ERBIN: variants seen among roughly 807,000 people sequenced by gnomAD.
ERBIN encodes erbb2 interacting protein.
A neutral mutation model predicts 158.4 loss-of-function variants in ERBIN; 60 were observed. The ratio of observed to expected loss-of-function variants is 0.38; its 90% CI spans 0.31 to 0.47. The LOEUF is 0.47. Among genes scored for constraint, ERBIN ranks in the 20% least tolerant of loss-of-function variants. The probability of loss-of-function intolerance (pLI) is 0.99; values close to 1 mark genes in which losing one functional copy is unlikely to be tolerated. For synonymous variants in ERBIN, 594 were observed against 557.2 expected, an observed-to-expected ratio of 1.07 and a Z score of -0.93; for missense variants, 1,610 against 1,648.0, an observed-to-expected ratio of 0.98 and a Z score of 0.40.
At chr5:66,026,476 G>A (rs1756266601) in intron 13 of ERBIN, 59 bp downstream of exon 13, 4 of 899,896 alleles carry the variant, frequency 4.4e-6, no homozygotes, top group Non-Finnish European at 6.8e-6. Flanking sequence ...ATGAAATTAA[G>A]TTTCATATGA....
chr5:66,072,988 T>C (rs964294780), intron 22 of ERBIN, among the ~76,000 whole-genome samples: 1 of 152,256 alleles, frequency 6.6e-6, no homozygotes. Flanking sequence ...GTTCATCTAA[T>C]ATATAAGTTC....
chr5:66,038,555 C>A, intron 15 of ERBIN, 73 bp downstream of exon 15: 2 of 1,138,676 alleles, frequency 1.8e-6, no homozygotes, highest in Non-Finnish European at 1.3e-6. Flanking sequence ...AACTTTAAGT[C>A]TCAGAGACTT....
intron 1 of ERBIN, among the ~76,000 whole-genome samples, chr5:65,942,303 CTTA>C (rs1352116045): frequency 6.6e-6 from 1 of 151,760 alleles, no homozygotes; most frequent in South Asian, 2.1e-4. Flanking sequence ...GTTTTTTTTG[CTTA>C]TTATACCAGC....
chr5:65,998,231 A>AAT (rs528994211), intron 4 of ERBIN, among the ~76,000 whole-genome samples: 75 of 149,188 alleles, frequency 5.0e-4, no homozygotes, highest in African/African-American at 1.5e-3. Context: ...CTCAAAAAAA[A>AAT]ATATATATAT....
chr5:65,992,279 A>G (rs920461250), intron 2 of ERBIN, among the ~76,000 whole-genome samples: 2 of 152,014 alleles, frequency 1.3e-5, no homozygotes, highest in African/African-American at 2.4e-5. Flanking sequence ...CCTCCCGAGT[A>G]GCTGGGACTA....
chr5:66,041,044 T>G (rs535025775), intron 15 of ERBIN, among the ~76,000 whole-genome samples: 1 of 152,066 alleles, frequency 6.6e-6, no homozygotes, highest in Admixed American at 6.5e-5. Flanking sequence ...AGGGTTTTTA[T>G]TGCATTTCTT....
chr5:66,061,212 T>C (rs1220124847), intron 21 of ERBIN, among the ~76,000 whole-genome samples: 1 of 152,246 alleles, frequency 6.6e-6, no homozygotes, highest in Non-Finnish European at 1.5e-5. Flanking sequence ...GGACTTGCTT[T>C]ATGAATCTGG....
intron 1 of ERBIN, among the ~76,000 whole-genome samples, chr5:65,939,621 C>T (rs1310031768): frequency 1.3e-5 from 2 of 152,174 alleles, no homozygotes; most frequent in African/African-American, 2.4e-5. Context: ...GTACTGCTGC[C>T]ATCTCGGCTC....
intron 2 of ERBIN, among the ~76,000 whole-genome samples, chr5:65,991,351 C>T (rs1751847971): frequency 6.6e-6 from 1 of 152,022 alleles, no homozygotes; most frequent in Non-Finnish European, 1.5e-5. Flanking sequence ...ATATTTTGTG[C>T]CTGAGTCCTT....
chr5:66,048,847 A>G (rs957150268), intron 19 of ERBIN, 66 bp downstream of exon 19: 82 of 928,062 alleles, frequency 8.8e-5, no homozygotes, highest in Non-Finnish European at 9.1e-5. Flanking sequence ...TTTTTTTGAA[A>G]TAAATTTCAT....
intron 14 of ERBIN, among the ~76,000 whole-genome samples, chr5:66,036,021 C>G (rs148128028): frequency 6.6e-6 from 1 of 152,158 alleles, no homozygotes; most frequent in East Asian, 1.9e-4. Context: ...CCCAGAAGTT[C>G]TAGGTTACAA....
Position 65,992,871 on chromosome 5 carries a change from C to CT in ERBIN, c.154dup (p.Tyr52LeufsTer5). Reference sequence around the variant, plus strand: ...CTTTTGAAAAAACCTTGGAGGAACTCTATTTAGATGCTAATCAGATTGAAG... The same window carrying CT: ...CTTTTGAAAAAACCTTGGAGGAACTCTTATTTAGATGCTAATCAGATTGAAG... On this transcript the variant is annotated frameshift_variant, in exon 3 of 26. Transcript: ENST00000284037. LOFTEE classifies it high-confidence loss of function. 1 of 1,611,872 alleles carries CT rather than the reference C, an allele frequency of 6.2e-7. No homozygotes were observed. Among genetic ancestry groups the CT allele is most frequent in the Non-Finnish European group, 8.5e-7 (1 of 1,179,216 alleles).
rs374033123 is a variant in ERBIN, at chr5:66,015,205, G to C, written c.533+480G>C. On this transcript the variant is annotated intron_variant, in intron 7 of 25. Coordinates refer to ENST00000284037, the MANE Select transcript of ERBIN (RefSeq NM_001253697.2). The stretch of plus-strand genomic sequence containing the variant: ...CTAACAACAAGAGATGGCAATCCAG[G>C]AGCAAAAAAAAAGATTTAATTATAA... 1.1e-4 allele frequency among the ~76,000 whole-genome samples: 16 copies of C among 151,320 alleles called. No individual in the cohort carries two copies. In the South Asian group the frequency reaches 3.1e-3, roughly 30 times the overall value.
intron 4 of ERBIN, among the ~76,000 whole-genome samples, chr5:66,010,816 T>C (rs1406578645): frequency 3.3e-5 from 5 of 152,238 alleles, no homozygotes; most frequent in Non-Finnish European, 4.4e-5. Context: ...ATTCCTTTAG[T>C]CTAGATTAGA....
intron 2 of ERBIN, among the ~76,000 whole-genome samples, chr5:65,989,194 T>A (rs1676857232): frequency 6.6e-6 from 1 of 152,206 alleles, no homozygotes; most frequent in African/African-American, 2.4e-5. Flanking sequence ...CCTTTTGGAT[T>A]ATTTCCTTGT....
rs1362363094 is a variant in ERBIN at position 65,926,826 on chromosome 5, T to G, written c.-58+20T>G. 6.6e-6 allele frequency: 1 copy of G among 152,080 alleles called. No individual in the cohort carries two copies. Among genetic ancestry groups the G allele is most frequent in the East Asian group, 1.9e-4 (1 of 5,174 alleles). 9.4% of individuals were successfully genotyped at this position (152,080 alleles called of 1,614,324 possible). A position where few individuals can be genotyped will look rare whatever the true frequency, so the allele number is the denominator to read the frequency against. On this transcript the variant is annotated intron_variant, in intron 1 of 25. Coordinates refer to ENST00000284037, the MANE Select transcript of ERBIN (RefSeq NM_001253697.2). ...CGAAAGGTAATTTTCACGAAAAGTG[T>G]CTCTGAGTCACAAAGTTCATGGGAC... is the stretch of plus-strand genomic sequence containing the variant.
intron 1 of ERBIN, among the ~76,000 whole-genome samples, chr5:65,972,402 C>T (rs1749365294): frequency 6.6e-6 from 1 of 151,258 alleles, no homozygotes. Flanking sequence ...TCTTATTTGT[C>T]CTGTGACCTT....
At chr5:65,939,438 AAAAC>A (rs1744509066) in intron 1 of ERBIN, among the ~76,000 whole-genome samples, 1 of 152,126 alleles carries the variant, frequency 6.6e-6, no homozygotes, top group South Asian at 2.1e-4. Context: ...CTCCATCTCC[AAAAC>A]AAACACCAAT....
At chr5:66,029,913 C>T (rs150358922) in intron 14 of ERBIN, among the ~76,000 whole-genome samples, 179 of 152,158 alleles carry the variant, frequency 1.2e-3, no homozygotes, top group African/African-American at 4.0e-3. Context: ...TCTTACCTAG[C>T]CATTACTAAT....
Sources: allele counts gnomAD v4.1 joint callset (sites outside exome capture counted in the v4.1 genomes callset), GRCh38; gene constraint gnomAD v4.1.1; transcripts MANE v1.5; gene names NCBI Gene and HGNC (gene_info 2026-07-23, HGNC 2026-07-21).